Variants in NR6A1 observed in about 807,000 individuals in gnomAD.
NR6A1 encodes nuclear receptor subfamily 6 group A member 1, also known as retinoic acid receptor-related testis-associated receptor.
A neutral mutation model predicts 59.1 loss-of-function variants in NR6A1; 7 were observed. That is an observed-to-expected ratio of 0.12 (90% CI 0.07 to 0.22). The LOEUF (loss-of-function observed/expected upper bound fraction) is 0.22. Ranked by LOEUF, NR6A1 falls within the 10% of genes least tolerant of loss-of-function variation. NR6A1 has a pLI of 1.00. For synonymous variants in NR6A1, 243 were observed against 236.1 expected, an observed-to-expected ratio of 1.03 and a Z score of -0.27; for missense variants, 468 against 611.6, an observed-to-expected ratio of 0.77 and a Z score of 2.48.
chr9:124,757,854 T>C (rs1840677144), intron 1 of NR6A1, among the ~76,000 whole-genome samples: 1 of 152,234 alleles, frequency 6.6e-6, no homozygotes, highest in African/African-American at 2.4e-5. Context: ...AGTCCTTATC[T>C]ATGCTCTGAA....
At chr9:124,667,792 C>A (rs1302220082) in intron 2 of NR6A1, among the ~76,000 whole-genome samples, 1 of 152,154 alleles carries the variant, frequency 6.6e-6, no homozygotes, top group Admixed American at 6.5e-5. Flanking sequence ...AAATAACTTA[C>A]TTTTTCATCT....
intron 2 of NR6A1, among the ~76,000 whole-genome samples, chr9:124,584,541 A>G (rs1368411255): frequency 6.6e-6 from 1 of 151,992 alleles, no homozygotes; most frequent in East Asian, 1.9e-4. Context: ...AATATTTCAA[A>G]CTTGTTCATA....
chr9:124,666,301 C>T (rs1409525616), intron 2 of NR6A1, among the ~76,000 whole-genome samples: 1 of 100,700 alleles, frequency 9.9e-6, no homozygotes, highest in African/African-American at 6.6e-5. Flanking sequence ...TTTTTTGAGA[C>T]AGGGTCTCAC....
chr9:124,519,649 C>T lies in NR6A1; in HGVS notation c.*3056G>A, dbSNP rs1054332594. The T allele has an allele frequency of 6.6e-6, 1 of 152,080 alleles. No homozygotes were observed. Among genetic ancestry groups the T allele is most frequent in the Admixed American group, 6.5e-5 (1 of 15,268 alleles). 9.4% of individuals were successfully genotyped at this position (152,080 alleles called of 1,614,324 possible). A position where few individuals can be genotyped will look rare whatever the true frequency, so the allele number is the denominator to read the frequency against. On this transcript the variant is annotated 3_prime_UTR_variant, in exon 10 of 10. Transcript: ENST00000487099. ...GGTGCAGTGGCTCACGCCTGTAATC[C>T]CAGCACTTTGGGAGGCCGAGGCAGG...
chr9:124,528,833 C>T (rs2095293), intron 7 of NR6A1, among the ~76,000 whole-genome samples: 20,175 of 152,176 alleles, frequency 0.13, 3,633 homozygotes, highest in African/African-American at 0.4. Context: ...ATTTACATCA[C>T]TTATATCGCA....
At chr9:124,524,027 G>A (rs1418610148) in intron 9 of NR6A1, among the ~76,000 whole-genome samples, 2 of 152,084 alleles carry the variant, frequency 1.3e-5, no homozygotes, top group African/African-American at 2.4e-5. Context: ...AGCTCAGAAG[G>A]GGTCAAGACC....
chr9:124,666,347 T>G (rs989406277), intron 2 of NR6A1, among the ~76,000 whole-genome samples: 1 of 149,064 alleles, frequency 6.7e-6, no homozygotes, highest in Non-Finnish European at 1.5e-5. Flanking sequence ...AGTGCAATCT[T>G]GGCTCACTGT....
At chr9:124,538,629 G>A (rs1395887989) in intron 5 of NR6A1, among the ~76,000 whole-genome samples, 1 of 152,130 alleles carries the variant, frequency 6.6e-6, no homozygotes, top group Admixed American at 6.5e-5. Context: ...TTTTTTAACA[G>A]ATACTTGTAG....
intron 1 of NR6A1, among the ~76,000 whole-genome samples, chr9:124,743,120 C>T (rs1210280780): frequency 1.3e-5 from 2 of 152,216 alleles, no homozygotes; most frequent in Admixed American, 1.3e-4. Context: ...GCCTGCCTTA[C>T]AGCCATATCT....
intron 2 of NR6A1, among the ~76,000 whole-genome samples, chr9:124,622,514 AACTTT>A (rs1836106998): frequency 6.6e-6 from 1 of 152,246 alleles, no homozygotes; most frequent in African/African-American, 2.4e-5. Flanking sequence ...TAGTTGAGAT[AACTTT>A]ACTTAATCAC....
chr9:124,648,035 C>A lies in NR6A1; in HGVS notation c.142+85273G>T, dbSNP rs181221628. On this transcript the variant is annotated intron_variant, in intron 2 of 9. Coordinates refer to ENST00000487099, the MANE Select transcript of NR6A1 (RefSeq NM_033334.4). ...TACAGGCTAGTATCTCTGATGAACA[C>A]AGATGCAAAAATCCTCAATAGAATA... is the stretch of plus-strand genomic sequence containing the variant. 2.3e-4 allele frequency among the ~76,000 whole-genome samples: 35 copies of A among 152,202 alleles called. No homozygotes were observed. The East Asian group carries it at 6.6e-3, about 29-fold the overall frequency.
intron 2 of NR6A1, among the ~76,000 whole-genome samples, chr9:124,634,924 C>CATG (rs1457476683): frequency 1.3e-5 from 2 of 152,142 alleles, no homozygotes; most frequent in Non-Finnish European, 2.9e-5. Context: ...CCCACATATG[C>CATG]ATGACCTCCC....
chr9:124,707,061 C>G (rs1400769106), intron 2 of NR6A1, among the ~76,000 whole-genome samples: 1 of 152,112 alleles, frequency 6.6e-6, no homozygotes, highest in Admixed American at 6.5e-5. Flanking sequence ...TCATCAGATT[C>G]AGAAAGTTTT....
At chr9:124,678,909 C>G (rs1838040650) in intron 2 of NR6A1, among the ~76,000 whole-genome samples, 1 of 152,114 alleles carries the variant, frequency 6.6e-6, no homozygotes, top group Non-Finnish European at 1.5e-5. Flanking sequence ...AAAAGTTATG[C>G]TGAGGGCATT....
At position 124,654,239 on chromosome 9, in the gene NR6A1, G is replaced by A. The variant is rs564145868; in HGVS notation, c.142+79069C>T. On this transcript the variant is annotated intron_variant, in intron 2 of 9. Transcript: ENST00000487099. ...AAGATAGTGTCAAGGGGGCCTCAGA[G>A]GACTAAACATAGACAAGAACTGCAC... is the stretch of plus-strand genomic sequence containing the variant. Among the ~76,000 whole-genome samples the A allele has an allele frequency of 6.0e-4, 92 of 152,248 alleles. 1 individual carries two copies. The South Asian group carries it at 0.018, about 30-fold the overall frequency.
chr9:124,553,479 A>G (rs1833834544), intron 3 of NR6A1, among the ~76,000 whole-genome samples: 1 of 127,948 alleles, frequency 7.8e-6, no homozygotes, highest in Non-Finnish European at 1.6e-5. Context: ...CAAGGCCAAC[A>G]TTTTGCCCCA....
In NR6A1 at chr9:124,613,936, A is replaced by T. The variant is rs529477586; in HGVS notation, c.143-59366T>A. On this transcript the variant is annotated intron_variant, in intron 2 of 9. Coordinates refer to ENST00000487099, the MANE Select transcript of NR6A1 (RefSeq NM_033334.4). The stretch of plus-strand genomic sequence containing the variant: ...GGTCACCTGGCTGGGGCAACTACAG[A>T]GCTGGACAAACCATATAAAACAATG... 2.6e-5 allele frequency among the ~76,000 whole-genome samples: 4 copies of T among 152,352 alleles called. No individual in the cohort carries two copies. In the South Asian group the frequency reaches 8.3e-4, roughly 32 times the overall value.
At chr9:124,720,045 G>C (rs1839522005) in intron 2 of NR6A1, among the ~76,000 whole-genome samples, 1 of 152,152 alleles carries the variant, frequency 6.6e-6, no homozygotes, top group African/African-American at 2.4e-5. Flanking sequence ...TGAAACTCTT[G>C]AACGTTTTTG....
chr9:124,640,348 A>T (rs189197585), intron 2 of NR6A1, among the ~76,000 whole-genome samples: 1 of 152,262 alleles, frequency 6.6e-6, no homozygotes, highest in African/African-American at 2.4e-5. Flanking sequence ...ATGTTTGTAT[A>T]TGGTATTTTC....
Sources: allele counts gnomAD v4.1 joint callset (sites outside exome capture counted in the v4.1 genomes callset), GRCh38; gene constraint gnomAD v4.1.1; transcripts MANE v1.5; gene names NCBI Gene and HGNC (gene_info 2026-07-23, HGNC 2026-07-21).